RBFOX1: variants seen among roughly 807,000 people sequenced by gnomAD.
The protein encoded by RBFOX1 is RNA binding fox-1 homolog 1.
A neutral mutation model predicts 57.7 loss-of-function variants in RBFOX1; 8 were observed. The ratio of observed to expected loss-of-function variants is 0.14; its 90% CI spans 0.08 to 0.25. The LOEUF (loss-of-function observed/expected upper bound fraction) is 0.25, where lower values mean the gene tolerates loss of function less well. RBFOX1 is among the 10% of genes least tolerant of loss of function. The pLI is 1.00. For missense variants in RBFOX1, 611 were observed against 548.5 expected (o/e 1.11, Z -1.14); for synonymous variants, 326 against 222.4 (o/e 1.47, Z -4.15).
intron 1 of RBFOX1, among the ~76,000 whole-genome samples, chr16:6,284,170 C>A (rs916423453): frequency 1.3e-5 from 2 of 152,186 alleles, no homozygotes; most frequent in Non-Finnish European, 2.9e-5. Flanking sequence ...CTATTATCTA[C>A]TTAGCAGCTA....
At chr16:5,673,638 G>A (rs958979530) in intron 3 of RBFOX1, among the ~76,000 whole-genome samples, 1 of 152,198 alleles carries the variant, frequency 6.6e-6, no homozygotes, top group Non-Finnish European at 1.5e-5. Context: ...ATCTTTGGGG[G>A]AAGCCCACAT....
intron 6 of RBFOX1, among the ~76,000 whole-genome samples, chr16:7,581,317 A>G (rs17144183): frequency 0.11 from 16,219 of 152,226 alleles, 1,208 homozygotes; most frequent in African/African-American, 0.2. Flanking sequence ...AGTGCAGAGC[A>G]TTCAAAGTGA....
Position 6,070,703 on chromosome 16 carries a change from G to GTA in RBFOX1, c.-127+50714_-127+50715dup, listed in dbSNP as rs1295598228. On this transcript the variant is annotated intron_variant, in intron 1 of 15. Coordinates refer to ENST00000550418, the MANE Select transcript of RBFOX1 (RefSeq NM_018723.4). ...TCCTGGAAACATTTGCTCATATGCT[G>GTA]TATAACACAATTTTGACCCTTTATC... is the stretch of plus-strand genomic sequence containing the variant. 4.6e-5 allele frequency among the ~76,000 whole-genome samples: 7 copies of GTA among 151,858 alleles called. 1 individual carries two copies. Among genetic ancestry groups the GTA allele is most frequent in the Admixed American group, 3.9e-4 (6 of 15,234 alleles).
intron 2 of RBFOX1, among the ~76,000 whole-genome samples, chr16:6,567,368 C>T (rs1325878022): frequency 6.6e-6 from 1 of 152,158 alleles, no homozygotes; most frequent in African/African-American, 2.4e-5. Context: ...GATTATACAA[C>T]TACTGAGTAG....
chr16:7,177,163 GTCCAGGAGTAGTTT>G, intron 4 of RBFOX1, among the ~76,000 whole-genome samples: 1 of 152,160 alleles, frequency 6.6e-6, no homozygotes, highest in Non-Finnish European at 1.5e-5. Context: ...ATGCATTTTT[GTCCAGGAGTAGTTT>G]TCCCCACATG....
chr16:6,786,712 C>T (rs62016108), intron 3 of RBFOX1, among the ~76,000 whole-genome samples: 15,775 of 152,122 alleles, frequency 0.1, 890 homozygotes, highest in African/African-American at 0.14. Context: ...CCTAGCACTA[C>T]GGTGCTCCCA....
At chr16:7,332,617 C>G (rs1003588964) in intron 4 of RBFOX1, 1 of 279,098 alleles carries the variant, frequency 3.6e-6, no homozygotes, top group Non-Finnish European at 5.9e-6. Flanking sequence ...GTAGGATGAG[C>G]TTATATCTCA....
At chr16:5,768,871 TG>T (rs753942298) in intron 3 of RBFOX1, among the ~76,000 whole-genome samples, 1 of 152,058 alleles carries the variant, frequency 6.6e-6, no homozygotes. Flanking sequence ...CACTGTTTTT[TG>T]TTTGTTTGTT....
chr16:7,136,721 C>G (rs80248931), intron 4 of RBFOX1, among the ~76,000 whole-genome samples: 13 of 152,206 alleles, frequency 8.5e-5, no homozygotes, highest in African/African-American at 1.7e-4. Flanking sequence ...CTGGCCCCAT[C>G]TAGGGAAAAT....
At chr16:7,142,369 C>G (rs900972795) in intron 4 of RBFOX1, among the ~76,000 whole-genome samples, 5 of 152,124 alleles carry the variant, frequency 3.3e-5, no homozygotes, top group African/African-American at 7.2e-5. Context: ...TTACCATGCC[C>G]GTGAAATGAG....
At chr16:5,632,167 C>A (rs1381116676) in intron 3 of RBFOX1, among the ~76,000 whole-genome samples, 2 of 152,166 alleles carry the variant, frequency 1.3e-5, no homozygotes, top group Non-Finnish European at 2.9e-5. Flanking sequence ...CATATGGTAC[C>A]TATCACATGT....
intron 2 of RBFOX1, among the ~76,000 whole-genome samples, chr16:5,545,058 C>A (rs1179333972): frequency 7.9e-5 from 11 of 138,656 alleles, no homozygotes; most frequent in Admixed American, 3.0e-4. Context: ...CTCACTGCAA[C>A]CTCTGCCTCC....
intron 3 of RBFOX1, among the ~76,000 whole-genome samples, chr16:6,963,767 C>T (rs1464421531): frequency 6.6e-5 from 10 of 152,038 alleles, no homozygotes; most frequent in East Asian, 3.9e-4. Flanking sequence ...GGCGCGATCT[C>T]GGCTCACTGC....
At chr16:6,191,991 C>T (rs930182735) in intron 1 of RBFOX1, among the ~76,000 whole-genome samples, 2 of 152,132 alleles carry the variant, frequency 1.3e-5, no homozygotes, top group African/African-American at 2.4e-5. Flanking sequence ...TATGGAACTA[C>T]ATCTAGTAGA....
chr16:6,314,112 C>G (rs919991985), intron 1 of RBFOX1, among the ~76,000 whole-genome samples: 1 of 152,058 alleles, frequency 6.6e-6, no homozygotes, highest in Non-Finnish European at 1.5e-5. Flanking sequence ...ACCTGGGTAC[C>G]AAGTACGGTA....
intron 3 of RBFOX1, among the ~76,000 whole-genome samples, chr16:6,706,583 G>T (rs1221752019): frequency 1.3e-5 from 2 of 152,158 alleles, no homozygotes; most frequent in Admixed American, 6.5e-5. Context: ...GCTGGGATGT[G>T]CCATTGCTCT....
intron 1 of RBFOX1, among the ~76,000 whole-genome samples, chr16:5,437,889 C>G (rs191805079): frequency 6.6e-6 from 1 of 152,118 alleles, no homozygotes; most frequent in East Asian, 1.9e-4. Flanking sequence ...TAAGACATAT[C>G]GTTGTTGATT....
chr16:6,963,158 C>T lies in RBFOX1; in HGVS notation c.-15-88899C>T, dbSNP rs139672157. On this transcript the variant is annotated intron_variant, in intron 3 of 15. Coordinates refer to ENST00000550418, the MANE Select transcript of RBFOX1 (RefSeq NM_018723.4). ...TCTTTGGGGTTCTGGCTGGTAGTTG[C>T]CACCCAAGCCTAGCACTGCTATTTT... Among the ~76,000 whole-genome samples, 6 of 152,238 alleles carry T rather than the reference C, an allele frequency of 3.9e-5. No homozygotes were observed. The East Asian group carries it at 9.7e-4, about 25-fold the overall frequency.
In RBFOX1 at chr16:6,380,398, A is replaced by ATT. The variant is rs60498960; in HGVS notation, c.-64+63388_-64+63389dup. Reference sequence around the variant, plus strand: ...CGTCTGTGAGTGGTGAATGGTGGGGATTTTTTTTTTTTTTTTTTTTTTTTT... The same window carrying ATT: ...CGTCTGTGAGTGGTGAATGGTGGGGATTTTTTTTTTTTTTTTTTTTTTTTTTT... On this transcript the variant is annotated intron_variant, in intron 2 of 15. Transcript: ENST00000550418. 6.1e-5 allele frequency among the ~76,000 whole-genome samples: 3 copies of ATT among 49,118 alleles called. 1 individual carries two copies. The highest frequency in any genetic ancestry group is 3.0e-4 in the Admixed American group (1 of 3,304). 32.2% of individuals were successfully genotyped at this position (49,118 alleles called of 152,430 possible).
Sources: allele counts gnomAD v4.1 joint callset (sites outside exome capture counted in the v4.1 genomes callset), GRCh38; gene constraint gnomAD v4.1.1; transcripts MANE v1.5; gene names NCBI Gene and HGNC (gene_info 2026-07-23, HGNC 2026-07-21).